CSMD3: variants seen among roughly 807,000 people sequenced by gnomAD.
The protein encoded by CSMD3 is CUB and sushi domain-containing protein 3.
CSMD3 carries 177 observed loss-of-function variants against 435.2 expected under a neutral mutation model. That is an observed-to-expected ratio of 0.41 (90% CI 0.36 to 0.46). The LOEUF is 0.46. CSMD3 is among the 20% of genes least tolerant of loss of function. The pLI is 0.34. For missense variants in CSMD3, 4,265 were observed against 4,504.6 expected, an observed-to-expected ratio of 0.95 and a Z score of 1.52; for synonymous variants, 1,656 against 1,520.5, an observed-to-expected ratio of 1.09 and a Z score of -2.07.
At chr8:112,297,226 C>T (rs1586691200) in intron 53 of CSMD3, among the ~76,000 whole-genome samples, 1 of 131,924 alleles carries the variant, frequency 7.6e-6, no homozygotes, top group African/African-American at 2.8e-5. Context: ...ATGAAGTAAT[C>T]ATTAACCCCA....
At chr8:112,980,151 ACTT>A (rs1183534866) in intron 6 of CSMD3, among the ~76,000 whole-genome samples, 4 of 150,632 alleles carry the variant, frequency 2.7e-5, no homozygotes, top group Non-Finnish European at 4.5e-5. Flanking sequence ...TAGAATTTGA[ACTT>A]CATTTTGATT....
chr8:113,239,757 T>G (rs2093192694), intron 3 of CSMD3, among the ~76,000 whole-genome samples: 1 of 152,146 alleles, frequency 6.6e-6, no homozygotes, highest in Non-Finnish European at 1.5e-5. Context: ...GAGATGATTC[T>G]CATGAGGTCT....
chr8:112,451,713 C>T (rs1438767241), intron 32 of CSMD3, among the ~76,000 whole-genome samples: 1 of 151,926 alleles, frequency 6.6e-6, no homozygotes, highest in African/African-American at 2.4e-5. Context: ...TAATTTTGTA[C>T]ATTTAGTAGA....
intron 1 of CSMD3, among the ~76,000 whole-genome samples, chr8:113,349,788 C>A (rs1430351091): frequency 6.6e-6 from 1 of 152,128 alleles, no homozygotes; most frequent in South Asian, 2.1e-4. Context: ...TAACTTCCAA[C>A]GATGTAGTAT....
chr8:112,368,724 C>A (rs1221419231), intron 38 of CSMD3, among the ~76,000 whole-genome samples: 5 of 152,076 alleles, frequency 3.3e-5, no homozygotes, highest in Non-Finnish European at 7.4e-5. Context: ...GGATATAATA[C>A]AGGAGTTAGG....
At chr8:113,297,368 T>C (rs909477612) in intron 2 of CSMD3, among the ~76,000 whole-genome samples, 4 of 152,036 alleles carry the variant, frequency 2.6e-5, no homozygotes, top group South Asian at 2.1e-4. Context: ...TGGAATTTGA[T>C]GGAAACTTTG....
chr8:112,354,592 A>G (rs1309448619), intron 38 of CSMD3, among the ~76,000 whole-genome samples: 1 of 152,174 alleles, frequency 6.6e-6, no homozygotes, highest in Non-Finnish European at 1.5e-5. Flanking sequence ...ATGCAACCCC[A>G]TTTACAATAA....
At chr8:113,352,814 T>C (rs1415128786) in intron 1 of CSMD3, among the ~76,000 whole-genome samples, 1 of 152,134 alleles carries the variant, frequency 6.6e-6, no homozygotes, top group African/African-American at 2.4e-5. Context: ...CAAAAAAGAA[T>C]CACATCACAT....
chr8:112,349,326 G>T (rs1218136463), intron 40 of CSMD3, among the ~76,000 whole-genome samples: 1 of 151,874 alleles, frequency 6.6e-6, no homozygotes, highest in African/African-American at 2.4e-5. Context: ...TATGGTATGA[G>T]AAATTCTTAC....
In CSMD3 at chr8:113,312,345, T is replaced by A. The variant is rs1036898656; in HGVS notation, c.401+2226A>T. 2.0e-5 allele frequency: 3 copies of A among 152,198 alleles called. 1 individual carries two copies. The highest frequency in any genetic ancestry group is 4.8e-5 in the African/African-American group (2 of 41,528). The allele number at this position is 152,198 out of a possible 1,614,324, so 9.4% of individuals were successfully genotyped here. On this transcript the variant is annotated intron_variant, in intron 2 of 70. Transcript: ENST00000297405. ...ACAAAATACATAGCACAGTGACAGGTGCAGAGGAATCATTCAATAAATGTT... is the reference window on the plus strand; with the variant it reads ...ACAAAATACATAGCACAGTGACAGGAGCAGAGGAATCATTCAATAAATGTT...
intron 1 of CSMD3, among the ~76,000 whole-genome samples, chr8:113,391,100 C>T (rs532083335): frequency 1.8e-4 from 27 of 151,996 alleles, no homozygotes; most frequent in African/African-American, 3.9e-4. Context: ...GGCAAACTCT[C>T]GCATATCCCA....
At chr8:112,335,547 A>T (rs1276065442) in intron 44 of CSMD3, 73 bp from the exon 45 acceptor site, 1 of 1,282,614 alleles carries the variant, frequency 7.8e-7, no homozygotes, top group East Asian at 2.4e-5. Flanking sequence ...CGTATTTAAT[A>T]AAAGTATTGC....
At chr8:112,951,347 T>C (rs1015270927) in intron 8 of CSMD3, among the ~76,000 whole-genome samples, 13 of 151,840 alleles carry the variant, frequency 8.6e-5, no homozygotes, top group African/African-American at 2.4e-4. Context: ...ACATGAATAG[T>C]GTAAGTATGA....
At chr8:112,315,109 G>C (rs1330315136) in intron 47 of CSMD3, among the ~76,000 whole-genome samples, 6 of 151,924 alleles carry the variant, frequency 3.9e-5, no homozygotes, top group African/African-American at 1.4e-4. Flanking sequence ...TCTGATATCA[G>C]GTATATGTTT....
At chr8:112,519,201 T>C (rs191689739) in intron 27 of CSMD3, among the ~76,000 whole-genome samples, 1 of 152,222 alleles carries the variant, frequency 6.6e-6, no homozygotes, top group South Asian at 2.1e-4. Context: ...AAACACATCT[T>C]TGTTTTATTA....
intron 10 of CSMD3, among the ~76,000 whole-genome samples, chr8:112,913,076 T>G (rs556774825): frequency 1.3e-5 from 2 of 152,112 alleles, no homozygotes; most frequent in East Asian, 1.9e-4. Context: ...ATCATTAGCC[T>G]TGTTTACTGC....
chr8:113,171,433 G>A (rs1000818486), intron 4 of CSMD3, among the ~76,000 whole-genome samples: 3 of 152,116 alleles, frequency 2.0e-5, no homozygotes, highest in Non-Finnish European at 4.4e-5. Flanking sequence ...TTTTCAGGCA[G>A]TGTTGAGAAT....
chr8:112,995,629 ATAAATATTT>A (rs1413874194), intron 6 of CSMD3, among the ~76,000 whole-genome samples: 1 of 151,482 alleles, frequency 6.6e-6, no homozygotes, highest in East Asian at 1.9e-4. Context: ...GGTTCCTTAA[ATAAATATTT>A]TAAATATTTT....
intron 1 of CSMD3, among the ~76,000 whole-genome samples, chr8:113,404,388 T>C (rs1455486157): frequency 2.0e-5 from 3 of 151,300 alleles, no homozygotes; most frequent in African/African-American, 2.4e-5. Flanking sequence ...AATGAATAAA[T>C]GGTAGGAATT....
Sources: gnomAD v4.1 joint callset for allele counts (sites outside exome capture counted in the v4.1 genomes callset) on GRCh38, gnomAD v4.1.1 for gene constraint, MANE v1.5 for transcripts, NCBI Gene and HGNC (gene_info 2026-07-23, HGNC 2026-07-21) for gene names.